AGL: variants seen among roughly 807,000 people sequenced by gnomAD.
AGL encodes the protein glycogen debranching enzyme.
Under a neutral mutation model 199.3 loss-of-function variants are expected in AGL, and 128 were observed. That is an observed-to-expected ratio of 0.64 (90% CI 0.56 to 0.74). The LOEUF (loss-of-function observed/expected upper bound fraction) is 0.74, where lower values mean the gene tolerates loss of function less well. Among genes scored for constraint, AGL ranks in the 30% least tolerant of loss-of-function variants. The probability of loss-of-function intolerance (pLI) is 0.00; values close to 1 mark genes in which losing one functional copy is unlikely to be tolerated. For missense variants in AGL, 1,809 were observed against 1,820.8 expected (o/e 0.99, Z 0.12); for synonymous variants, 584 against 594.7 (o/e 0.98, Z 0.26).
At chr1:99,887,932 C>A (rs761024895) in intron 20 of AGL, 46 bp from the exon 21 acceptor site, 1 of 1,606,608 alleles carries the variant, frequency 6.2e-7, no homozygotes, top group Admixed American at 1.7e-5. Context: ...CTATTGACAA[C>A]AAGCGAAACT....
At chr1:99,851,383 T>G (rs892081935) in intron 2 of AGL, among the ~76,000 whole-genome samples, 14 of 152,210 alleles carry the variant, frequency 9.2e-5, no homozygotes, top group Non-Finnish European at 1.9e-4. Context: ...CACTTAAGAT[T>G]GAAGTTAAAT....
Position 99,870,357 on chromosome 1 carries a change from A to G in AGL, c.665-43A>G, listed in dbSNP as rs150182025. 5.6e-4 allele frequency: 887 copies of G among 1,578,342 alleles called. 6 individuals carry two copies. The African/African-American group carries it at 0.011, about 19-fold the overall frequency. On this transcript the variant is annotated intron_variant, in intron 5 of 33. Coordinates refer to ENST00000361915, the MANE Select transcript of AGL (RefSeq NM_000642.3). ...TAAACTTAACATAGATACAGTTTCA[A>G]TTTAATTATGAGATACTCCTTTGTG...
At chr1:99,858,444 T>C (rs956512567) in intron 2 of AGL, among the ~76,000 whole-genome samples, 4 of 152,170 alleles carry the variant, frequency 2.6e-5, no homozygotes, top group African/African-American at 7.2e-5. Context: ...TTTCAGGCAA[T>C]GCACTCCCTA....
At chr1:99,911,475 C>T (rs914168258) in intron 28 of AGL, among the ~76,000 whole-genome samples, 1 of 152,036 alleles carries the variant, frequency 6.6e-6, no homozygotes, top group South Asian at 2.1e-4. Context: ...GAGAGCCTCA[C>T]TCTGTTGCCC....
intron 27 of AGL, among the ~76,000 whole-genome samples, chr1:99,906,543 A>G (rs1654308529): frequency 6.6e-6 from 1 of 151,102 alleles, no homozygotes; most frequent in South Asian, 2.1e-4. Flanking sequence ...CTCTATCCCC[A>G]CTCTTCCCAG....
At position 99,900,891 on chromosome 1, in the gene AGL, T is replaced by G. The variant is rs1327652539; in HGVS notation, c.3588+30T>G. 8 of 183,586 alleles carry G rather than the reference T, an allele frequency of 4.4e-5. No individual in the cohort carries two copies. In the East Asian group the frequency reaches 5.6e-4, roughly 13 times the overall value. 11.4% of individuals were successfully genotyped at this position (183,586 alleles called of 1,614,324 possible). ...AGATATTTCTTAAAATGTTTTTTTGTTTTTTTTTTTTTTTCTGAAAAATGA... is the reference window on the plus strand; with the variant it reads ...AGATATTTCTTAAAATGTTTTTTTGGTTTTTTTTTTTTTTCTGAAAAATGA... On this transcript the variant is annotated intron_variant, in intron 26 of 33. Transcript: ENST00000361915.
At chr1:99,865,334 T>C (rs1487398505) in intron 5 of AGL, among the ~76,000 whole-genome samples, 2 of 152,208 alleles carry the variant, frequency 1.3e-5, no homozygotes, top group African/African-American at 4.8e-5. Flanking sequence ...ATAGCATATA[T>C]GAAAAAACTG....
chr1:99,900,627 T>C lies in AGL; in HGVS notation c.3363-9T>C, dbSNP rs763907400. 1.2e-6 allele frequency: 2 copies of C among 1,608,910 alleles called. No individual in the cohort carries two copies. Among genetic ancestry groups the C allele is most frequent in the South Asian group, 2.2e-5 (2 of 90,944 alleles). ...TTCATTTCTGATCCACTTAATTCTG[T>C]TGTTTTAGGAATATTATTTTAGCAT... On this transcript the variant is annotated splice_polypyrimidine_tract_variant and intron_variant, in intron 25 of 33. Coordinates refer to ENST00000361915, the MANE Select transcript of AGL (RefSeq NM_000642.3).
chr1:99,886,195 G>A (rs944287849), intron 20 of AGL, among the ~76,000 whole-genome samples: 6 of 152,174 alleles, frequency 3.9e-5, no homozygotes, highest in African/African-American at 7.2e-5. Flanking sequence ...GTAAGACCTG[G>A]CTGAGTGCAG....
intron 24 of AGL, among the ~76,000 whole-genome samples, chr1:99,893,488 C>T (rs1653064717): frequency 6.6e-6 from 1 of 152,164 alleles, no homozygotes; most frequent in Non-Finnish European, 1.5e-5. Context: ...TGCAGATGCT[C>T]ATGAAACTGA....
intron 2 of AGL, among the ~76,000 whole-genome samples, chr1:99,860,768 C>T (rs1649965607): frequency 6.6e-6 from 1 of 152,166 alleles, no homozygotes; most frequent in Admixed American, 6.5e-5. Context: ...TGTGCACATC[C>T]CTTCCCACTT....
intron 33 of AGL, among the ~76,000 whole-genome samples, chr1:99,920,808 C>G (rs1281923707): frequency 3.9e-5 from 6 of 152,036 alleles, no homozygotes; most frequent in Non-Finnish European, 5.9e-5. Flanking sequence ...GATGTCTGTA[C>G]TTTTTGAATT....
chr1:99,870,378 T>C, intron 5 of AGL, 22 bp from the exon 6 acceptor site: 1 of 1,607,748 alleles, frequency 6.2e-7, no homozygotes, highest in Non-Finnish European at 8.5e-7. Flanking sequence ...AGATACTCCT[T>C]TGTGTCTCCT....
At chr1:99,855,463 A>G (rs1252274840) in intron 2 of AGL, among the ~76,000 whole-genome samples, 4 of 152,178 alleles carry the variant, frequency 2.6e-5, no homozygotes, top group African/African-American at 9.7e-5. Flanking sequence ...TAGACAAATC[A>G]TAGCTTTTTC....
chr1:99,898,523 T>C (rs777289307), intron 25 of AGL, among the ~76,000 whole-genome samples: 3 of 152,160 alleles, frequency 2.0e-5, no homozygotes, highest in Non-Finnish European at 4.4e-5. Context: ...TCCCAGAGGG[T>C]ATTTGTTAGG....
rs888099615 is a variant in AGL, at chr1:99,880,061, G to A, written c.1735+15G>A. ...CTTAATAAGAGGTAGGCTTGTTGGA[G>A]TGTATTTCCCTCTAAAACTTTAGCT... On this transcript the variant is annotated intron_variant, in intron 13 of 33. Transcript: ENST00000361915. The A allele has an allele frequency of 1.2e-6, 2 of 1,612,976 alleles. No individual in the cohort carries two copies. Among genetic ancestry groups the A allele is most frequent in the African/African-American group, 1.3e-5 (1 of 74,872 alleles).
In AGL at chr1:99,922,881, A is replaced by C. The variant is rs1438220362; in HGVS notation, c.*1230A>C. ...GTATTTTAAAATAATGCTACTTTCA[A>C]AGTAGCATTTTTTTAGTTAGTTTAC... is the stretch of plus-strand genomic sequence containing the variant. On this transcript the variant is annotated 3_prime_UTR_variant, in exon 34 of 34. Coordinates refer to ENST00000361915, the MANE Select transcript of AGL (RefSeq NM_000642.3). 6.6e-6 allele frequency: 1 copy of C among 152,032 alleles called. No homozygotes were observed. Among genetic ancestry groups the C allele is most frequent in the Non-Finnish European group, 1.5e-5 (1 of 67,930 alleles). 9.4% of individuals were successfully genotyped at this position (152,032 alleles called of 1,614,324 possible).
chr1:99,859,778 G>C (rs1247606174), intron 2 of AGL, among the ~76,000 whole-genome samples: 14 of 152,152 alleles, frequency 9.2e-5, no homozygotes, highest in Admixed American at 9.2e-4. Flanking sequence ...CTGACCTCAG[G>C]TGATCCTCTC....
At chr1:99,901,906 C>T (rs1029155299) in intron 26 of AGL, among the ~76,000 whole-genome samples, 2 of 152,060 alleles carry the variant, frequency 1.3e-5, no homozygotes, top group Non-Finnish European at 2.9e-5. Context: ...ACTGACATTT[C>T]TGTTACAATG....
Sources: allele counts gnomAD v4.1 joint callset (sites outside exome capture counted in the v4.1 genomes callset), GRCh38; gene constraint gnomAD v4.1.1; transcripts MANE v1.5; gene names NCBI Gene and HGNC (gene_info 2026-07-23, HGNC 2026-07-21).